SBF2: variants seen among roughly 807,000 people sequenced by gnomAD.
SBF2 encodes SET binding factor 2, also known as myotubularin-related protein 13.
SBF2 carries 112 observed loss-of-function variants against 225.2 expected under a neutral mutation model. The observed-to-expected ratio is 0.50, with a 90% CI of 0.43 to 0.58. SBF2 has a LOEUF of 0.58. Among genes scored for constraint, SBF2 ranks in the 20% least tolerant of loss-of-function variants. The pLI, the probability that SBF2 is intolerant of heterozygous loss-of-function variation, is 0.00. For synonymous variants in SBF2, 763 were observed against 773.3 expected, an observed-to-expected ratio of 0.99 and a Z score of 0.22; for missense variants, 1,996 against 2,206.2, an observed-to-expected ratio of 0.90 and a Z score of 1.91.
rs911865310 is a variant in SBF2, at chr11:9,779,211, A to G, written c.*1207T>C. 7 of 152,664 alleles carry G rather than the reference A, an allele frequency of 4.6e-5. No homozygotes were observed. Among genetic ancestry groups the G allele is most frequent in the Non-Finnish European group, 7.3e-5 (5 of 68,050 alleles). The allele number at this position is 152,664 out of a possible 1,614,324, so 9.5% of individuals were successfully genotyped here. ...GAATGCATCAGTTAATTTATATTAA[A>G]TTATAAGCAGGCTATCTGAAAAACA... is the stretch of plus-strand genomic sequence containing the variant. On this transcript the variant is annotated 3_prime_UTR_variant, in exon 40 of 40. Coordinates refer to ENST00000256190, the MANE Select transcript of SBF2 (RefSeq NM_030962.4).
chr11:9,952,782 A>G (rs899536108), intron 16 of SBF2, among the ~76,000 whole-genome samples: 2 of 152,160 alleles, frequency 1.3e-5, no homozygotes, highest in Non-Finnish European at 2.9e-5. Flanking sequence ...TAATATGGAA[A>G]TATTCCTCAG....
chr11:9,947,034 G>C (rs766335797), intron 16 of SBF2, among the ~76,000 whole-genome samples: 4 of 81,898 alleles, frequency 4.9e-5, no homozygotes, highest in Admixed American at 3.1e-4. Flanking sequence ...TTAGTTATTT[G>C]ATCTAATTAG....
intron 16 of SBF2, among the ~76,000 whole-genome samples, chr11:9,897,028 T>C (rs10840319): frequency 6.6e-6 from 1 of 151,922 alleles, no homozygotes; most frequent in South Asian, 2.1e-4. Context: ...ATACCCAAAA[T>C]AATGGAAAAC....
At chr11:9,981,659 A>G (rs1014952178) in intron 13 of SBF2, among the ~76,000 whole-genome samples, 8 of 152,200 alleles carry the variant, frequency 5.3e-5, no homozygotes, top group Non-Finnish European at 8.8e-5. Context: ...TTGGATGCCA[A>G]TATTATATTT....
chr11:9,809,961 G>GT (rs1045191610), intron 30 of SBF2, among the ~76,000 whole-genome samples: 2 of 152,114 alleles, frequency 1.3e-5, no homozygotes, highest in Non-Finnish European at 2.9e-5. Flanking sequence ...AAATTTTATG[G>GT]TAAGTGAATT....
chr11:10,165,576 A>G (rs1369713615), intron 2 of SBF2, among the ~76,000 whole-genome samples: 1 of 152,232 alleles, frequency 6.6e-6, no homozygotes, highest in Non-Finnish European at 1.5e-5. Flanking sequence ...CTTCATTAAG[A>G]TTCTACTAGT....
chr11:10,055,449 C>A (rs560077470), intron 2 of SBF2, among the ~76,000 whole-genome samples: 2 of 151,642 alleles, frequency 1.3e-5, no homozygotes, highest in South Asian at 4.2e-4. Context: ...ATGTTTATCA[C>A]AGCACAATTC....
chr11:10,065,508 TCACA>T (rs1468050138), intron 2 of SBF2, among the ~76,000 whole-genome samples: 1 of 152,046 alleles, frequency 6.6e-6, no homozygotes, highest in Admixed American at 6.5e-5. Context: ...GCCACACTGA[TCACA>T]CACAGAGAAA....
chr11:9,807,908 A>G lies in SBF2; in HGVS notation c.4443+92T>C, dbSNP rs1853942563. 6 of 1,002,132 alleles carry G rather than the reference A, an allele frequency of 6.0e-6. No individual in the cohort carries two copies. In the South Asian group the frequency reaches 6.7e-5, roughly 11 times the overall value. The allele number at this position is 1,002,132 out of a possible 1,614,324, so 62.1% of individuals were successfully genotyped here. A position where few individuals can be genotyped will look rare whatever the true frequency, so the allele number is the denominator to read the frequency against. On this transcript the variant is annotated intron_variant, in intron 32 of 39. Coordinates refer to ENST00000256190, the MANE Select transcript of SBF2 (RefSeq NM_030962.4). ...TGAGTTAATCAGAGTTATGACAGGA[A>G]GGTACCGGGCACACCATCGCAATGC...
At chr11:10,125,859 G>A (rs1953726863) in intron 2 of SBF2, among the ~76,000 whole-genome samples, 1 of 152,112 alleles carries the variant, frequency 6.6e-6, no homozygotes, top group Non-Finnish European at 1.5e-5. Flanking sequence ...ATTTTAAAAA[G>A]TATGAGTCAG....
chr11:9,997,586 G>A (rs1947759389), intron 9 of SBF2, among the ~76,000 whole-genome samples: 1 of 152,190 alleles, frequency 6.6e-6, no homozygotes, highest in Non-Finnish European at 1.5e-5. Context: ...AGACCATCCT[G>A]ACTAACACAG....
intron 2 of SBF2, among the ~76,000 whole-genome samples, chr11:10,093,764 T>A (rs1186727157): frequency 1.3e-5 from 2 of 152,222 alleles, no homozygotes; most frequent in Non-Finnish European, 2.9e-5. Context: ...AATACCTTTG[T>A]GTACAGTAAA....
At chr11:10,219,732 G>A (rs1406838941) in intron 1 of SBF2, among the ~76,000 whole-genome samples, 4 of 152,104 alleles carry the variant, frequency 2.6e-5, no homozygotes, top group Non-Finnish European at 4.4e-5. Flanking sequence ...TCTAGGGCAC[G>A]GGCAAAATGC....
At chr11:9,856,870 C>T (rs2134002491) in intron 18 of SBF2, 150 bp from the exon 19 acceptor site, 1 of 767,274 alleles carries the variant, frequency 1.3e-6, no homozygotes, top group East Asian at 2.8e-5. Flanking sequence ...TCACTGCAAG[C>T]TCTGCCTCCC....
chr11:9,904,210 CAT>C (rs774733021), intron 16 of SBF2, among the ~76,000 whole-genome samples: 27 of 151,528 alleles, frequency 1.8e-4, no homozygotes, highest in African/African-American at 6.0e-4. Flanking sequence ...TTATAAACAA[CAT>C]ATATATATAT....
intron 28 of SBF2, chr11:9,828,260 T>A: frequency 7.8e-7 from 1 of 1,284,530 alleles, no homozygotes; most frequent in Non-Finnish European, 1.0e-6. Context: ...ACCATGTTGT[T>A]TGGGTTAACA....
At chr11:10,159,638 C>T (rs940042349) in intron 2 of SBF2, among the ~76,000 whole-genome samples, 7 of 152,130 alleles carry the variant, frequency 4.6e-5, no homozygotes, top group Non-Finnish European at 5.9e-5. Flanking sequence ...CATGGTGGCT[C>T]ATGCTTGTAA....
chr11:10,166,292 A>C (rs1169114099), intron 2 of SBF2, among the ~76,000 whole-genome samples: 1 of 152,188 alleles, frequency 6.6e-6, no homozygotes, highest in African/African-American at 2.4e-5. Context: ...AAACCTCAAG[A>C]CTTCATAACA....
intron 2 of SBF2, among the ~76,000 whole-genome samples, chr11:10,084,352 A>C (rs921154737): frequency 2.0e-5 from 3 of 152,204 alleles, no homozygotes; most frequent in Non-Finnish European, 4.4e-5. Flanking sequence ...TAATAATCAG[A>C]GAAATACAAG....
Sources: gnomAD v4.1 joint callset for allele counts (sites outside exome capture counted in the v4.1 genomes callset) on GRCh38, gnomAD v4.1.1 for gene constraint, MANE v1.5 for transcripts, NCBI Gene and HGNC (gene_info 2026-07-23, HGNC 2026-07-21) for gene names.